TRMT11: variants seen among roughly 807,000 people sequenced by gnomAD.
TRMT11 encodes the protein tRNA methyltransferase 11.
TRMT11 carries 53 observed loss-of-function variants against 62.8 expected under a neutral mutation model. The observed-to-expected ratio is 0.84, with a 90% CI of 0.68 to 1.06. The LOEUF (loss-of-function observed/expected upper bound fraction) is 1.06, where lower values mean the gene tolerates loss of function less well. Among genes scored for constraint, TRMT11 ranks in the 50% least tolerant of loss-of-function variants. TRMT11 has a pLI of 0.00. For missense variants in TRMT11, 556 were observed against 553.4 expected, an observed-to-expected ratio of 1.00 and a Z score of -0.05; for synonymous variants, 188 against 190.3, an observed-to-expected ratio of 0.99 and a Z score of 0.10.
At chr6:126,105,569 C>G (rs930935837) in intron 17 of TRMT11, among the ~76,000 whole-genome samples, 2 of 151,598 alleles carry the variant, frequency 1.3e-5, no homozygotes, top group Non-Finnish European at 2.9e-5. Flanking sequence ...TCGGTTTCCT[C>G]AGAGCATGCA....
chr6:126,061,942 G>A (rs1423599743), intron 17 of TRMT11, among the ~76,000 whole-genome samples: 1 of 152,150 alleles, frequency 6.6e-6, no homozygotes, highest in Non-Finnish European at 1.5e-5. Context: ...GAGGGCAGTG[G>A]CACCATCACA....
intron 17 of TRMT11, among the ~76,000 whole-genome samples, chr6:126,074,224 C>T (rs930306241): frequency 2.6e-5 from 4 of 152,030 alleles, no homozygotes; most frequent in South Asian, 2.1e-4. Context: ...AGGACAATGC[C>T]GAGGTATTGT....
At chr6:126,100,477 A>G (rs1777386043) in intron 17 of TRMT11, among the ~76,000 whole-genome samples, 1 of 152,162 alleles carries the variant, frequency 6.6e-6, no homozygotes, top group African/African-American at 2.4e-5. Context: ...TTCTTGTTGC[A>G]TGTGACAGAA....
chr6:126,091,325 C>A (rs1035223314), intron 17 of TRMT11, among the ~76,000 whole-genome samples: 1 of 152,144 alleles, frequency 6.6e-6, no homozygotes, highest in South Asian at 2.1e-4. Context: ...CCGTAACCTA[C>A]GCGTACCAAT....
intron 21 of TRMT11, among the ~76,000 whole-genome samples, chr6:126,168,994 A>G (rs1345239451): frequency 1.3e-5 from 2 of 152,232 alleles, no homozygotes; most frequent in African/African-American, 2.4e-5. Flanking sequence ...TTGCAAAGTT[A>G]TTCCAAAATC....
At chr6:126,247,515 T>C in the TRMT11 span, among the ~76,000 whole-genome samples, 4 of 146,588 alleles carry the variant, frequency 2.7e-5, no homozygotes, top group East Asian at 7.8e-4. Flanking sequence ...TCTCTATATA[T>C]AAATATATAA....
chr6:126,081,181 A>C (rs1777151190), intron 17 of TRMT11, among the ~76,000 whole-genome samples: 1 of 152,200 alleles, frequency 6.6e-6, no homozygotes, highest in South Asian at 2.1e-4. Flanking sequence ...CTATCCAAAA[A>C]ATGGTATCTT....
intron 8 of TRMT11, among the ~76,000 whole-genome samples, chr6:126,009,151 T>G (rs1793810156): frequency 6.6e-6 from 1 of 151,974 alleles, no homozygotes; most frequent in African/African-American, 2.4e-5. Flanking sequence ...TCACCACTCA[T>G]TTAAAGATTA....
chr6:126,111,070 GC>G (rs1396258613), intron 17 of TRMT11, among the ~76,000 whole-genome samples: 1 of 152,078 alleles, frequency 6.6e-6, no homozygotes, highest in African/African-American at 2.4e-5. Flanking sequence ...ATGGTTTGCA[GC>G]CATTTCCAAG....
rs1473321660 is a variant in TRMT11 at position 126,038,724 on chromosome 6, A to T, written c.1280A>T (p.His427Leu). Residue 427 changes from histidine to leucine, a missense_variant, in exon 13 of 13, where the codon CAT becomes CTT. His to Leu is a moderately conservative substitution (Grantham distance 99). Transcript: ENST00000334379. Reference protein sequence around the residue: ...KKFENRDQYSHLLSDHFLPYQ... With the variant: ...KKFENRDQYSLLLSDHFLPYQ... The stretch of plus-strand genomic sequence containing the variant: ...AAACAGAATCGGGACCAGTATTCAC[A>T]TCTGCTAAGTGATCATTTTCTGCCA... 2 of 1,588,698 alleles carry T rather than the reference A, an allele frequency of 1.3e-6. No individual in the cohort carries two copies. Among genetic ancestry groups the T allele is most frequent in the East Asian group, 4.6e-5 (2 of 43,650 alleles).
At chr6:126,191,067 C>T (rs916776150) in intron 1 of TRMT11, among the ~76,000 whole-genome samples, 2 of 152,200 alleles carry the variant, frequency 1.3e-5, no homozygotes, top group African/African-American at 4.8e-5. Flanking sequence ...ACTGTATGAC[C>T]ATTAACTTTT....
intron 3 of TRMT11, chr6:126,201,924 C>G (rs1778738211): frequency 6.6e-6 from 1 of 152,114 alleles, no homozygotes; most frequent in South Asian, 2.1e-4. Flanking sequence ...GTGCGTTATT[C>G]TACTGTATTA....
At chr6:126,228,730 T>A in the TRMT11 span, among the ~76,000 whole-genome samples, 2 of 152,200 alleles carry the variant, frequency 1.3e-5, no homozygotes, top group Non-Finnish European at 2.9e-5. Flanking sequence ...CTTATTAACA[T>A]CAGCTGGGTA....
At chr6:126,017,629 T>G (rs1368198560) in intron 11 of TRMT11, among the ~76,000 whole-genome samples, 2 of 152,236 alleles carry the variant, frequency 1.3e-5, no homozygotes, top group Non-Finnish European at 2.9e-5. Flanking sequence ...AAAAATCTAG[T>G]CATTTTTCTA....
intron 16 of TRMT11, among the ~76,000 whole-genome samples, chr6:126,046,163 C>T (rs978386130): frequency 3.3e-5 from 5 of 152,038 alleles, no homozygotes; most frequent in African/African-American, 9.7e-5. Flanking sequence ...ATGTTAAAAC[C>T]GGGCCAGAAC....
At chr6:126,032,627 T>C (rs1242904802) in intron 12 of TRMT11, among the ~76,000 whole-genome samples, 1 of 152,168 alleles carries the variant, frequency 6.6e-6, no homozygotes, top group Non-Finnish European at 1.5e-5. Flanking sequence ...TCTGGATAGG[T>C]GTTTCCTTCT....
chr6:126,222,988 C>A, the TRMT11 span, among the ~76,000 whole-genome samples: 1 of 152,202 alleles, frequency 6.6e-6, no homozygotes, highest in Non-Finnish European at 1.5e-5. Flanking sequence ...GCGTAGCACT[C>A]ACTTAAAAAC....
At chr6:126,231,258 T>C in the TRMT11 span, among the ~76,000 whole-genome samples, 2 of 152,214 alleles carry the variant, frequency 1.3e-5, no homozygotes, top group Admixed American at 1.3e-4. Context: ...AATGTCAGAA[T>C]ACAGTTGACC....
In TRMT11 at chr6:126,038,891, T is replaced by C; in HGVS notation, c.*55T>C. On this transcript the variant is annotated 3_prime_UTR_variant, in exon 13 of 13. Transcript: ENST00000334379. Reference sequence around the variant, plus strand: ...TAAGAATTTGATTTAAAAAGACATCTGGATGTGAACTTTCATGTATGATCC... The same window carrying C: ...TAAGAATTTGATTTAAAAAGACATCCGGATGTGAACTTTCATGTATGATCC... 1.4e-6 allele frequency: 2 copies of C among 1,463,798 alleles called. No individual in the cohort carries two copies. The highest frequency in any genetic ancestry group is 1.9e-6 in the Non-Finnish European group (2 of 1,076,760). The allele number at this position is 1,463,798 out of a possible 1,614,324, so 90.7% of individuals were successfully genotyped here. A position where few individuals can be genotyped will look rare whatever the true frequency, so the allele number is the denominator to read the frequency against.
Sources: allele counts gnomAD v4.1 joint callset (sites outside exome capture counted in the v4.1 genomes callset), GRCh38; gene constraint gnomAD v4.1.1; transcripts MANE v1.5; gene names NCBI Gene and HGNC (gene_info 2026-07-23, HGNC 2026-07-21).